SEC23A: variants seen among roughly 807,000 people sequenced by gnomAD.
SEC23A encodes protein transport protein Sec23A.
In SEC23A, 56 loss-of-function variants were observed where a neutral mutation model predicts 103.7. The ratio of observed to expected loss-of-function variants is 0.54; its 90% CI spans 0.44 to 0.67. SEC23A has a LOEUF of 0.67. Ranked by LOEUF, SEC23A falls within the 30% of genes least tolerant of loss-of-function variation. The probability of loss-of-function intolerance (pLI) is 0.00; values close to 1 mark genes in which losing one functional copy is unlikely to be tolerated. For missense variants in SEC23A, 784 were observed against 936.4 expected (o/e 0.84, Z 2.12); for synonymous variants, 281 against 293.0 (o/e 0.96, Z 0.42).
At position 39,061,784 on chromosome 14, in the gene SEC23A, C is replaced by T. The variant is rs763939038; in HGVS notation, c.1486G>A (p.Val496Met). The stretch of plus-strand genomic sequence containing the variant: ...ACTTACTTCCTAGCAATGGTGGTCA[C>T]TCGGATGCGTCTCTGCCCACTTGAA... ...QHSSGQRRIRVTTIARNWADA... is the reference protein window; with the variant it reads ...QHSSGQRRIRMTTIARNWADA... Residue 496 changes from valine to methionine, a missense_variant, in exon 13 of 20, where the codon GTG (valine) becomes ATG (methionine). Val to Met is a conservative substitution (Grantham distance 21, BLOSUM62 1). This residue lies in a region of SEC23A where 683 missense variants were observed against 774.2 expected (regional missense o/e 0.88). Transcript: ENST00000307712. 7.4e-6 allele frequency: 12 copies of T among 1,612,260 alleles called. 1 individual carries two copies. The South Asian group carries it at 1.3e-4, about 18-fold the overall frequency.
At chr14:39,055,408 G>A in intron 13 of SEC23A, 112 bp from the exon 14 acceptor site, 2 of 1,051,046 alleles carry the variant, frequency 1.9e-6, no homozygotes, top group Non-Finnish European at 2.7e-6. Flanking sequence ...GAAACTACTA[G>A]GATTTTTTTT....
intron 18 of SEC23A, 94 bp downstream of exon 18, chr14:39,040,638 T>C: frequency 2.0e-6 from 3 of 1,490,836 alleles, no homozygotes; most frequent in Non-Finnish European, 2.8e-6. Context: ...CTGTCTGCTT[T>C]ATGAAGCAAT....
chr14:39,074,621 A>G (rs1886952662), intron 8 of SEC23A, 91 bp from the exon 9 acceptor site: 1 of 719,610 alleles, frequency 1.4e-6, no homozygotes. Context: ...AAGGACTAAA[A>G]GAGTAACTCA....
At position 39,103,109 on chromosome 14, in the gene SEC23A, T is replaced by G. The variant is rs1888179147; in HGVS notation, c.-99A>C. On this transcript the variant is annotated 5_prime_UTR_variant, in exon 1 of 20. Transcript: ENST00000307712. ...GCAGGACCCGTCGCAGCCTCCGCTTTGCAAAATCTGTCCTCTCCGCCCAGC... is the reference window on the plus strand; with the variant it reads ...GCAGGACCCGTCGCAGCCTCCGCTTGGCAAAATCTGTCCTCTCCGCCCAGC... 1 of 151,758 alleles carries G rather than the reference T, an allele frequency of 6.6e-6. No individual in the cohort carries two copies. Among genetic ancestry groups the G allele is most frequent in the African/African-American group, 2.4e-5 (1 of 41,182 alleles). 9.4% of individuals were successfully genotyped at this position (151,758 alleles called of 1,614,324 possible).
At chr14:39,047,303 T>C (rs1885872225) in intron 15 of SEC23A, 3 of 842,952 alleles carry the variant, frequency 3.6e-6, no homozygotes, top group Non-Finnish European at 5.1e-6. Flanking sequence ...CTTAGGCTAA[T>C]GCCCTCCATC....
At chr14:39,034,845 G>A (rs1399876478) in intron 19 of SEC23A, among the ~76,000 whole-genome samples, 1 of 152,142 alleles carries the variant, frequency 6.6e-6, no homozygotes, top group Non-Finnish European at 1.5e-5. Context: ...AGGCACTACA[G>A]CAACAGAGGC....
intron 17 of SEC23A, among the ~76,000 whole-genome samples, chr14:39,041,600 T>A (rs1263251592): frequency 6.6e-6 from 1 of 151,936 alleles, no homozygotes; most frequent in Non-Finnish European, 1.5e-5. Flanking sequence ...TCGGGCGCGA[T>A]GGCTCACGCC....
chr14:39,038,638 C>T (rs577068008), intron 19 of SEC23A, among the ~76,000 whole-genome samples: 2 of 152,250 alleles, frequency 1.3e-5, no homozygotes, highest in East Asian at 3.9e-4. Flanking sequence ...AGCCACCACA[C>T]CCAGCAGGAC....
intron 7 of SEC23A, among the ~76,000 whole-genome samples, chr14:39,081,714 T>A (rs1456594685): frequency 6.6e-6 from 1 of 152,190 alleles, no homozygotes; most frequent in African/African-American, 2.4e-5. Flanking sequence ...AACCCTGTGG[T>A]ACTGAATTGA....
rs192354723 is a variant in SEC23A, at chr14:39,059,026, G to A, written c.1505+2739C>T. 1.0e-3 allele frequency among the ~76,000 whole-genome samples: 156 copies of A among 152,016 alleles called. 1 individual carries two copies. Among genetic ancestry groups the A allele is most frequent in the African/African-American group, 3.4e-3 (141 of 41,468 alleles). ...AAATTTACTAATTATTATTTGTTTAGACATAAATTAAAAGGTGGGCTCTTA... is the reference window on the plus strand; with the variant it reads ...AAATTTACTAATTATTATTTGTTTAAACATAAATTAAAAGGTGGGCTCTTA... On this transcript the variant is annotated intron_variant, in intron 13 of 19. Transcript: ENST00000307712.
intron 5 of SEC23A, chr14:39,087,924 G>A (rs1456457139): frequency 6.6e-6 from 1 of 152,080 alleles, no homozygotes; most frequent in Non-Finnish European, 1.5e-5. Context: ...TTGACAATCA[G>A]AAAGACTAAG....
chr14:39,068,586 A>T (rs986082158), intron 9 of SEC23A, among the ~76,000 whole-genome samples: 2 of 152,214 alleles, frequency 1.3e-5, no homozygotes, highest in African/African-American at 4.8e-5. Context: ...AGACTAGTTG[A>T]AAAAATATTA....
rs531556694 is a variant in SEC23A at position 39,032,018 on chromosome 14, A to G, written c.*1221T>C. ...TATTTAAGCTAATTGAATATAACAC[A>G]TAAACAATTTTTTCTTAAGTTTCTG... On this transcript the variant is annotated 3_prime_UTR_variant, in exon 20 of 20. Transcript: ENST00000307712. 4 of 152,794 alleles carry G rather than the reference A, an allele frequency of 2.6e-5. No homozygotes were observed. The South Asian group carries it at 6.2e-4, about 24-fold the overall frequency. 9.5% of individuals were successfully genotyped at this position (152,794 alleles called of 1,614,324 possible).
At chr14:39,085,337 A>C (rs1174150756) in intron 7 of SEC23A, among the ~76,000 whole-genome samples, 1 of 152,216 alleles carries the variant, frequency 6.6e-6, no homozygotes, top group East Asian at 1.9e-4. Context: ...ACCGAGAAAC[A>C]TAAAGTGTTT....
chr14:39,055,956 C>T (rs887864497), intron 13 of SEC23A, among the ~76,000 whole-genome samples: 9 of 152,172 alleles, frequency 5.9e-5, no homozygotes, highest in African/African-American at 1.2e-4. Context: ...ACCATCTAGG[C>T]GCTATAGCGA....
intron 7 of SEC23A, among the ~76,000 whole-genome samples, chr14:39,079,888 A>G (rs1190608856): frequency 1.3e-5 from 2 of 152,114 alleles, no homozygotes; most frequent in Non-Finnish European, 1.5e-5. Flanking sequence ...GAACAAGGAA[A>G]GTTGTCTTCT....
At chr14:39,089,121 A>G in intron 5 of SEC23A, among the ~76,000 whole-genome samples, 1 of 147,602 alleles carries the variant, frequency 6.8e-6, no homozygotes, top group Non-Finnish European at 1.5e-5. Context: ...TTGCAAGATC[A>G]TGCCACTGCA....
Sources: allele counts gnomAD v4.1 joint callset (sites outside exome capture counted in the v4.1 genomes callset), GRCh38; gene constraint gnomAD v4.1.1; regional missense constraint gnomAD v4.1.1; transcripts MANE v1.5; gene names NCBI Gene and HGNC (gene_info 2026-07-23, HGNC 2026-07-21).